The following FOXC2 variants were observed in gnomAD, a reference collection of about 807,000 sequenced individuals.
The protein encoded by FOXC2 is forkhead box protein C2.
In FOXC2, 7 loss-of-function variants were observed where a neutral mutation model predicts 7.2. The ratio of observed to expected loss-of-function variants is 0.97; its 90% CI spans 0.55 to 1.81. The LOEUF (loss-of-function observed/expected upper bound fraction) is 1.81, where lower values mean the gene tolerates loss of function less well. Ranked by LOEUF, FOXC2 falls within the 40% of genes most tolerant of loss-of-function variation. The probability of loss-of-function intolerance (pLI) is 0.00; values close to 1 mark genes in which losing one functional copy is unlikely to be tolerated. For synonymous variants in FOXC2, 436 were observed against 350.4 expected (o/e 1.24, Z -2.73); for missense variants, 846 against 741.2 (o/e 1.14, Z -1.64).
In FOXC2 at chr16:86,567,876, G is replaced by A; in HGVS notation, c.541G>A (p.Ala181Thr). The A allele has an allele frequency of 1.9e-6, 3 of 1,609,884 alleles. No homozygotes were observed. The highest frequency in any genetic ancestry group is 1.1e-5 in the South Asian group (1 of 90,964). ...KDVSKEKEER[A>T]HLKEPPPAAS... ...CGTGTCCAAGGAGAAGGAGGAGCGG[G>A]CCCACCTCAAGGAGCCGCCCCCGGC... The change falls in exon 1 of 1, where the codon GCC (alanine) becomes ACC (threonine). Residue 181 changes from alanine to threonine, a missense_variant. Physicochemically the swap from Ala to Thr is moderately conservative, Grantham distance 58. Transcript: ENST00000649859.
Position 86,568,625 on chromosome 16 carries a change from G to A in FOXC2, c.1290G>A (p.Gly430=), listed in dbSNP as rs1449997439. 2.5e-6 allele frequency: 4 copies of A among 1,612,356 alleles called. No homozygotes were observed. In the East Asian group the frequency reaches 8.9e-5, roughly 36 times the overall value. ...CCTCCTGGTATCTCAACCACAGCGG[G>A]GACCTGAACCACCTCCCCGGCCACA... ...QAASWYLNHS[G]DLNHLPGHTF... The change falls in exon 1 of 1, where the codon GGG becomes GGA. Residue 430 remains glycine (G), a synonymous_variant. Coordinates refer to ENST00000649859, the MANE Select transcript of FOXC2 (RefSeq NM_005251.3). This position sits in a 1 kb window ranked among gnomAD's most constrained non-coding sequence, Gnocchi z 5.2.
chr16:86,568,243 T>G lies in FOXC2; in HGVS notation c.908T>G (p.Leu303Arg). ...RAGLVVPPLA[L>R]PYAAAPPAAY... The stretch of plus-strand genomic sequence containing the variant: ...GGCCTGGTGGTGCCGCCGCTGGCGC[T>G]GCCCTACGCCGCCGCGCCGCCCGCC... Residue 303 changes from leucine (L) to arginine (R), a missense_variant, in exon 1 of 1, where the codon CTG (leucine) becomes CGG (arginine). Physicochemically the swap from Leu to Arg is moderately radical, Grantham distance 102. Coordinates refer to ENST00000649859, the MANE Select transcript of FOXC2 (RefSeq NM_005251.3). The surrounding 1 kb of genome is among the most constrained non-coding windows in gnomAD (Gnocchi z 5.2). 7.9e-7 allele frequency: 1 copy of G among 1,261,702 alleles called. No individual in the cohort carries two copies. The allele number at this position is 1,261,702 out of a possible 1,614,324, so 78.2% of individuals were successfully genotyped here. A position where few individuals can be genotyped will look rare whatever the true frequency, so the allele number is the denominator to read the frequency against.
In FOXC2 at chr16:86,568,202, G is replaced by A. The variant is rs1394410046; in HGVS notation, c.867G>A (p.Pro289=). Reference sequence around the variant, plus strand: ...CGCCGCCGGGCGGAGAGCTGAGCCCGGGGGCCGGACGCGCGGGCCTGGTGG... The same window carrying A: ...CGCCGCCGGGCGGAGAGCTGAGCCCAGGGGCCGGACGCGCGGGCCTGGTGG... ...RTSPPGGELS[P]GAGRAGLVVP... is the part of the protein sequence containing the mutation. The change falls in exon 1 of 1, where the codon CCG becomes CCA. Residue 289 remains proline (P), a synonymous_variant. Coordinates refer to ENST00000649859, the MANE Select transcript of FOXC2 (RefSeq NM_005251.3). The surrounding 1 kb of genome is among the most constrained non-coding windows in gnomAD (Gnocchi z 5.2). The A allele has an allele frequency of 7.8e-6, 10 of 1,279,162 alleles. No homozygotes were observed. Among genetic ancestry groups the A allele is most frequent in the Admixed American group, 4.1e-5 (1 of 24,528 alleles). 79.2% of individuals were successfully genotyped at this position (1,279,162 alleles called of 1,614,324 possible).
chr16:86,569,026 C>T lies in FOXC2; in HGVS notation c.*185C>T. 1.4e-6 allele frequency: 1 copy of T among 739,846 alleles called. No individual in the cohort carries two copies. The allele number at this position is 739,846 out of a possible 1,614,324, so 45.8% of individuals were successfully genotyped here. ...AGCCGTCTGTGAAGAGCGCAGGTAACTTTAATTCGCCGCCCCGTTTCTGGG... is the reference window on the plus strand; with the variant it reads ...AGCCGTCTGTGAAGAGCGCAGGTAATTTTAATTCGCCGCCCCGTTTCTGGG... On this transcript the variant is annotated 3_prime_UTR_variant, in exon 1 of 1. Coordinates refer to ENST00000649859, the MANE Select transcript of FOXC2 (RefSeq NM_005251.3).
Position 86,568,417 on chromosome 16 carries a change from AC to A in FOXC2, c.1085del (p.Pro362ArgfsTer8). The A allele has an allele frequency of 7.3e-7, 1 of 1,378,504 alleles. No individual in the cohort carries two copies. 85.4% of individuals were successfully genotyped at this position (1,378,504 alleles called of 1,614,324 possible). A position where few individuals can be genotyped will look rare whatever the true frequency, so the allele number is the denominator to read the frequency against. ...PPALDEALSD[H>X]PSGPTSPLSA... ...GCCCTGGACGAGGCCCTCTCGGACC[AC>A]CCGAGCGGCCCCACGTCGCCCCTGA... On this transcript the variant is annotated frameshift_variant, in exon 1 of 1. Coordinates refer to ENST00000649859, the MANE Select transcript of FOXC2 (RefSeq NM_005251.3). LOFTEE classifies it low-confidence loss of function (END_TRUNC). This position sits in a 1 kb window ranked among gnomAD's most constrained non-coding sequence, Gnocchi z 5.2.
rs746977797 is a variant in FOXC2 at position 86,568,813 on chromosome 16, C to G, written c.1478C>G (p.Pro493Arg). ...STPPLYRHAA[P>R]YSYDCTKY is the part of the protein sequence containing the mutation. ...CCGCCTCTCTATCGCCACGCAGCCCCCTACTCCTACGACTGCACGAAATAC... is the reference window on the plus strand; with the variant it reads ...CCGCCTCTCTATCGCCACGCAGCCCGCTACTCCTACGACTGCACGAAATAC... The change falls in exon 1 of 1, where the codon CCC (proline) becomes CGC (arginine). Residue 493 changes from proline (P) to arginine (R), a missense_variant. By Grantham distance (103) the Pro-to-Arg change is moderately radical. This residue lies in a region of FOXC2 where 640 missense variants were observed against 503.2 expected (regional missense o/e 1.27). Coordinates refer to ENST00000649859, the MANE Select transcript of FOXC2 (RefSeq NM_005251.3). The surrounding 1 kb of genome is among the most constrained non-coding windows in gnomAD (Gnocchi z 5.2). 3.7e-6 allele frequency: 6 copies of G among 1,612,912 alleles called. No individual in the cohort carries two copies. The highest frequency in any genetic ancestry group is 5.1e-6 in the Non-Finnish European group (6 of 1,180,004).
In FOXC2 at chr16:86,568,418, C is replaced by A; in HGVS notation, c.1083C>A (p.His361Gln). 7.2e-7 allele frequency: 1 copy of A among 1,387,684 alleles called. No individual in the cohort carries two copies. The highest frequency in any genetic ancestry group is 9.4e-7 in the Non-Finnish European group (1 of 1,064,334). The allele number at this position is 1,387,684 out of a possible 1,614,324, so 86.0% of individuals were successfully genotyped here. A position where few individuals can be genotyped will look rare whatever the true frequency, so the allele number is the denominator to read the frequency against. ...CCCTGGACGAGGCCCTCTCGGACCACCCGAGCGGCCCCACGTCGCCCCTGA... is the reference window on the plus strand; with the variant it reads ...CCCTGGACGAGGCCCTCTCGGACCAACCGAGCGGCCCCACGTCGCCCCTGA... ...PPALDEALSD[H>Q]PSGPTSPLSA... The change falls in exon 1 of 1, where the codon CAC (histidine) becomes CAA (glutamine). Residue 361 changes from histidine (H) to glutamine (Q), a missense_variant. By Grantham distance (24) the His-to-Gln change is conservative. This residue lies in a region of FOXC2 where 640 missense variants were observed against 503.2 expected (regional missense o/e 1.27). Coordinates refer to ENST00000649859, the MANE Select transcript of FOXC2 (RefSeq NM_005251.3). This position sits in a 1 kb window ranked among gnomAD's most constrained non-coding sequence, Gnocchi z 5.2.
chr16:86,569,092 T>G lies in FOXC2; in HGVS notation c.*251T>G. The G allele has an allele frequency of 1.7e-6, 1 of 595,046 alleles. No homozygotes were observed. Among genetic ancestry groups the G allele is most frequent in the Non-Finnish European group, 3.1e-6 (1 of 325,284 alleles). The allele number at this position is 595,046 out of a possible 1,614,324, so 36.9% of individuals were successfully genotyped here. A position where few individuals can be genotyped will look rare whatever the true frequency, so the allele number is the denominator to read the frequency against. On this transcript the variant is annotated 3_prime_UTR_variant, in exon 1 of 1. Coordinates refer to ENST00000649859, the MANE Select transcript of FOXC2 (RefSeq NM_005251.3). ...TCCAAAGGGACGCAGCCCAACAAAA[T>G]GAGTATTGATCTTAAAATCCCCCTC...
In FOXC2 at chr16:86,568,598, G is replaced by A; in HGVS notation, c.1263G>A (p.Ala421=). 6.2e-7 allele frequency: 1 copy of A among 1,607,266 alleles called. No individual in the cohort carries two copies. The highest frequency in any genetic ancestry group is 8.5e-7 in the Non-Finnish European group (1 of 1,177,224). Reference sequence around the variant, plus strand: ...AGCCCGGGGCCGCCGCGGCGCAGGCGGCCTCCTGGTATCTCAACCACAGCG... The same window carrying A: ...AGCCCGGGGCCGCCGCGGCGCAGGCAGCCTCCTGGTATCTCAACCACAGCG... ...TPQPGAAAAQ[A]ASWYLNHSGD... The change falls in exon 1 of 1, where the codon GCG becomes GCA. Residue 421 remains alanine, a synonymous_variant. Transcript: ENST00000649859. The surrounding 1 kb of genome is among the most constrained non-coding windows in gnomAD (Gnocchi z 5.2).
rs1974204901 is a variant in FOXC2 at position 86,567,082 on chromosome 16, C to A, written c.-254C>A. Among the ~76,000 whole-genome samples, 2 of 150,388 alleles carry A rather than the reference C, an allele frequency of 1.3e-5. No homozygotes were observed. Among genetic ancestry groups the A allele is most frequent in the African/African-American group, 4.9e-5 (2 of 41,230 alleles). On this transcript the variant is annotated 5_prime_UTR_variant, in exon 1 of 1. Coordinates refer to ENST00000649859, the MANE Select transcript of FOXC2 (RefSeq NM_005251.3). ...TGGAGCCAGCGAGGAGCGGGGCCGGCGCTGCGCTTGCCCGGGGCGCGCCCT... is the reference window on the plus strand; with the variant it reads ...TGGAGCCAGCGAGGAGCGGGGCCGGAGCTGCGCTTGCCCGGGGCGCGCCCT...
Position 86,568,426 on chromosome 16 carries a change from G to A in FOXC2, c.1091G>A (p.Gly364Asp). 4.3e-6 allele frequency: 6 copies of A among 1,382,168 alleles called. No homozygotes were observed. In the South Asian group the frequency reaches 4.5e-5, roughly 10 times the overall value. The allele number at this position is 1,382,168 out of a possible 1,614,324, so 85.6% of individuals were successfully genotyped here. ...LDEALSDHPSGPTSPLSALNL... is the reference protein window; with the variant it reads ...LDEALSDHPSDPTSPLSALNL... ...GAGGCCCTCTCGGACCACCCGAGCG[G>A]CCCCACGTCGCCCCTGAGCGCTCTC... is the stretch of plus-strand genomic sequence containing the variant. Residue 364 changes from glycine to aspartate, a missense_variant, in exon 1 of 1, where the codon GGC becomes GAC. Transcript: ENST00000649859. The surrounding 1 kb of genome is among the most constrained non-coding windows in gnomAD (Gnocchi z 5.2).
chr16:86,568,147 G>A lies in FOXC2; in HGVS notation c.812G>A (p.Ser271Asn). Residue 271 changes from serine (S) to asparagine (N), a missense_variant, in exon 1 of 1, where the codon AGC becomes AAC. Coordinates refer to ENST00000649859, the MANE Select transcript of FOXC2 (RefSeq NM_005251.3). This position sits in a 1 kb window ranked among gnomAD's most constrained non-coding sequence, Gnocchi z 5.2. ...GCGCCCAACGGGCTGCCTGGCTTCA[G>A]CGTGGAGAACATCATGACCCTGCGA... ...AAAPNGLPGFSVENIMTLRTS... is the reference protein window; with the variant it reads ...AAAPNGLPGFNVENIMTLRTS... 2.2e-6 allele frequency: 3 copies of A among 1,344,802 alleles called. No individual in the cohort carries two copies. Among genetic ancestry groups the A allele is most frequent in the Non-Finnish European group, 2.8e-6 (3 of 1,057,262 alleles). The allele number at this position is 1,344,802 out of a possible 1,614,324, so 83.3% of individuals were successfully genotyped here. A position where few individuals can be genotyped will look rare whatever the true frequency, so the allele number is the denominator to read the frequency against.
Position 86,567,758 on chromosome 16 carries a change from C to G in FOXC2, c.423C>G (p.Gly141=). Residue 141 remains glycine, a synonymous_variant, in exon 1 of 1, where the codon GGC becomes GGG. Transcript: ENST00000649859. ...TGCCCCGCGACGACAAGAAGCCCGG[C>G]AAGGGCAGTTACTGGACCCTGGACC... ...VKVPRDDKKP[G]KGSYWTLDPD... is the part of the protein sequence containing the mutation. The G allele has an allele frequency of 6.2e-7, 1 of 1,614,192 alleles. No individual in the cohort carries two copies. Among genetic ancestry groups the G allele is most frequent in the Non-Finnish European group, 8.5e-7 (1 of 1,180,038 alleles).
At position 86,568,564 on chromosome 16, in the gene FOXC2, C is replaced by G; in HGVS notation, c.1229C>G (p.Pro410Arg). 1 of 1,536,150 alleles carries G rather than the reference C, an allele frequency of 6.5e-7. No homozygotes were observed. The highest frequency in any genetic ancestry group is 2.5e-5 in the East Asian group (1 of 39,282). Residue 410 changes from proline to arginine, a missense_variant, in exon 1 of 1, where the codon CCG (proline) becomes CGG (arginine). Coordinates refer to ENST00000649859, the MANE Select transcript of FOXC2 (RefSeq NM_005251.3). The surrounding 1 kb of genome is among the most constrained non-coding windows in gnomAD (Gnocchi z 5.2). ...CCCCCGCCGGCTCCCCAGCCCCAGC[C>G]GACGCCGCAGCCCGGGGCCGCCGCG... ...PPPPPAPQPQ[P>R]TPQPGAAAAQ... is the part of the protein sequence containing the mutation.
In FOXC2 at chr16:86,567,545, G is replaced by C; in HGVS notation, c.210G>C (p.Leu70=). Residue 70 remains leucine (L), a synonymous_variant, in exon 1 of 1, where the codon CTG becomes CTC. Transcript: ENST00000649859. The stretch of plus-strand genomic sequence containing the variant: ...ACCAGCCCGCGGCGCCTAAGGACCT[G>C]GTGAAGCCGCCCTACAGCTACATCG... The part of the protein sequence containing the change: ...HHHQPAAPKD[L]VKPPYSYIAL... 2 of 1,614,112 alleles carry C rather than the reference G, an allele frequency of 1.2e-6. No homozygotes were observed. Among genetic ancestry groups the C allele is most frequent in the Non-Finnish European group, 1.7e-6 (2 of 1,180,026 alleles).
In FOXC2 at chr16:86,567,155, G is replaced by A; in HGVS notation, c.-181G>A. The A allele has an allele frequency of 5.1e-6, 3 of 591,398 alleles. No homozygotes were observed. The highest frequency in any genetic ancestry group is 8.3e-6 in the Non-Finnish European group (3 of 359,848). The allele number at this position is 591,398 out of a possible 1,614,324, so 36.6% of individuals were successfully genotyped here. On this transcript the variant is annotated 5_prime_UTR_variant, in exon 1 of 1. Transcript: ENST00000649859. The stretch of plus-strand genomic sequence containing the variant: ...CCGCTGAAAGCGCGCGCCCCTGCTC[G>A]GCCCGAGCGCCGCCGCCCGCGCACC...
chr16:86,567,259 C>G lies in FOXC2; in HGVS notation c.-77C>G. 3.2e-6 allele frequency: 5 copies of G among 1,556,356 alleles called. No homozygotes were observed. In the South Asian group the frequency reaches 4.6e-5, roughly 14 times the overall value. ...TCCCCCTCTGGCTCTCTCGCGCTCT[C>G]TCGCTCTCAGGGCCCCCCTCGCTCC... On this transcript the variant is annotated 5_prime_UTR_variant, in exon 1 of 1. Coordinates refer to ENST00000649859, the MANE Select transcript of FOXC2 (RefSeq NM_005251.3).
rs1974234980 is a variant in FOXC2 at position 86,568,541 on chromosome 16, C to T, written c.1206C>T (p.Pro402=). The change falls in exon 1 of 1, where the codon CCC becomes CCT. Residue 402 remains proline (P), a synonymous_variant. Transcript: ENST00000649859. This position sits in a 1 kb window ranked among gnomAD's most constrained non-coding sequence, Gnocchi z 5.2. ...HGHHHPQAPP[P]PPAPQPQPTP... Reference sequence around the variant, plus strand: ...ACCACCACCCGCAGGCGCCGCCGCCCCCGCCGGCTCCCCAGCCCCAGCCGA... The same window carrying T: ...ACCACCACCCGCAGGCGCCGCCGCCTCCGCCGGCTCCCCAGCCCCAGCCGA... 3.1e-6 allele frequency: 4 copies of T among 1,303,406 alleles called. No individual in the cohort carries two copies. The highest frequency in any genetic ancestry group is 3.9e-6 in the Non-Finnish European group (4 of 1,026,172). 80.7% of individuals were successfully genotyped at this position (1,303,406 alleles called of 1,614,324 possible).
Position 86,567,956 on chromosome 16 carries a change from C to A in FOXC2, c.621C>A (p.Ala207=). The A allele has an allele frequency of 6.5e-7, 1 of 1,547,348 alleles. No individual in the cohort carries two copies. Among genetic ancestry groups the A allele is most frequent in the Non-Finnish European group, 8.6e-7 (1 of 1,161,408 alleles). ...TPHLADAPKE[A]EKKVVIKSEA... ...ACCTAGCGGACGCCCCCAAGGAGGC[C>A]GAGAAGAAGGTGGTGATCAAGAGCG... Residue 207 remains alanine, a synonymous_variant, in exon 1 of 1, where the codon GCC becomes GCA. Transcript: ENST00000649859.
Sources: allele counts gnomAD v4.1 joint callset (sites outside exome capture counted in the v4.1 genomes callset), GRCh38; gene constraint gnomAD v4.1.1; regional missense constraint gnomAD v4.1.1; non-coding constraint Gnocchi (gnomAD v3.1); transcripts MANE v1.5; gene names NCBI Gene and HGNC (gene_info 2026-07-23, HGNC 2026-07-21).